The following TMEM41A variants were observed in gnomAD, a reference collection of about 807,000 sequenced individuals.
The protein encoded by TMEM41A is transmembrane protein 41A.
A neutral mutation model predicts 25.7 loss-of-function variants in TMEM41A; 20 were observed. The observed-to-expected ratio is 0.78, with a 90% CI of 0.55 to 1.13. The LOEUF (loss-of-function observed/expected upper bound fraction) is 1.13. TMEM41A is among the 50% of genes most tolerant of loss of function. The pLI is 0.00. For synonymous variants in TMEM41A, 133 were observed against 139.6 expected (o/e 0.95, Z 0.33); for missense variants, 299 against 314.3 (o/e 0.95, Z 0.37).
chr3:185,497,051 G>A, intron 1 of TMEM41A, 70 bp from the exon 2 acceptor site: 2 of 1,513,774 alleles, frequency 1.3e-6, no homozygotes, highest in African/African-American at 1.4e-5. Flanking sequence ...GTCACTCGCT[G>A]TGTCTTCTTT....
At chr3:185,496,582 C>G in intron 2 of TMEM41A, 1 of 556,526 alleles carries the variant, frequency 1.8e-6, no homozygotes, top group Non-Finnish European at 3.2e-6. Flanking sequence ...TTGAGCAGGT[C>G]CAGCCTCAGC....
Position 185,495,137 on chromosome 3 carries a change from G to A in TMEM41A, c.435+17C>T. On this transcript the variant is annotated intron_variant, in intron 3 of 4. Transcript: ENST00000421852. ...CTGTCTGGGGTCCCAGCTCTCAGAT[G>A]TGACCCCTCCCCTTACCTTTCTCTG... 6.2e-7 allele frequency: 1 copy of A among 1,612,736 alleles called. No individual in the cohort carries two copies. Among genetic ancestry groups the A allele is most frequent in the Non-Finnish European group, 8.5e-7 (1 of 1,179,830 alleles).
At chr3:185,494,484 T>C (rs1285376475) in intron 4 of TMEM41A, 139 bp downstream of exon 4, 1 of 992,252 alleles carries the variant, frequency 1.0e-6, no homozygotes, top group Non-Finnish European at 1.4e-6. Flanking sequence ...GAATCATTTC[T>C]TTAGATCATA....
At chr3:185,495,366 C>CACGT in intron 2 of TMEM41A, 51 bp from the exon 3 acceptor site, 1 of 1,575,508 alleles carries the variant, frequency 6.3e-7, no homozygotes, top group South Asian at 1.2e-5. Context: ...AGCTACCAGG[C>CACGT]ACGTCATCTT....
rs1719049158 is a variant in TMEM41A, at chr3:185,494,680, G to A, written c.517C>T (p.Leu173Phe). 2.5e-6 allele frequency: 4 copies of A among 1,612,556 alleles called. No individual in the cohort carries two copies. The highest frequency in any genetic ancestry group is 3.4e-6 in the Non-Finnish European group (4 of 1,179,488). ...FPMTPNWFLN[L>F]SAPILNIPIV... ...GGAATGTTCAGAATTGGGGCCGAGAGGTTCAAGAACCAGTTTGGTGTCATG... is the reference window on the plus strand; with the variant it reads ...GGAATGTTCAGAATTGGGGCCGAGAAGTTCAAGAACCAGTTTGGTGTCATG... The change falls in exon 4 of 5, where the codon CTC (leucine) becomes TTC (phenylalanine). Residue 173 changes from leucine (L) to phenylalanine (F), a missense_variant. Coordinates refer to ENST00000421852, the MANE Select transcript of TMEM41A (RefSeq NM_080652.4).
rs12107045 is a variant in TMEM41A at position 185,491,688 on chromosome 3, G to A, written c.644C>T (p.Ala215Val). 1,290 of 1,614,220 alleles carry A rather than the reference G, an allele frequency of 8.0e-4. 9 individuals carry two copies. The African/African-American group carries it at 0.015, about 19-fold the overall frequency. ...AAAGACAGTGTCCCAGGAGAAAAGA[G>A]CATCCAGAGAGGTTAGGGTTGACAG... ...SILSTLTSLD[A>V]LFSWDTVFKL... The change falls in exon 5 of 5, where the codon GCT (alanine) becomes GTT (valine). Residue 215 changes from alanine (A) to valine (V), a missense_variant. By Grantham distance (64) the Ala-to-Val change is moderately conservative. Coordinates refer to ENST00000421852, the MANE Select transcript of TMEM41A (RefSeq NM_080652.4).
rs141974676 is a variant in TMEM41A at position 185,491,154 on chromosome 3, C to T, written c.*383G>A. The stretch of plus-strand genomic sequence containing the variant: ...CTGGGATTACAGGTGCCTGCCACCA[C>T]GCCTGGCTAATTTTTGTATTTTTAT... On this transcript the variant is annotated 3_prime_UTR_variant, in exon 5 of 5. Transcript: ENST00000421852. 1,807 of 179,334 alleles carry T rather than the reference C, an allele frequency of 0.01. 19 individuals carry two copies. Among genetic ancestry groups the T allele is most frequent in the South Asian group, 0.028 (219 of 7,802 alleles). The allele number at this position is 179,334 out of a possible 1,614,324, so 11.1% of individuals were successfully genotyped here.
At chr3:185,496,514 C>A (rs964655485) in intron 2 of TMEM41A, 1 of 386,646 alleles carries the variant, frequency 2.6e-6, no homozygotes, top group Non-Finnish European at 5.0e-6. Context: ...CCCCACACAC[C>A]TCCCCTGCCT....
At chr3:185,494,073 A>G (rs1290584463) in intron 4 of TMEM41A, 3 of 152,286 alleles carry the variant, frequency 2.0e-5, no homozygotes, top group African/African-American at 7.2e-5. Flanking sequence ...CCACACTTTG[A>G]GAAACACTGC....
chr3:185,491,731 C>T lies in TMEM41A; in HGVS notation c.601G>A (p.Val201Met), dbSNP rs1313013030. 2 of 1,613,514 alleles carry T rather than the reference C, an allele frequency of 1.2e-6. No individual in the cohort carries two copies. Among genetic ancestry groups the T allele is most frequent in the Non-Finnish European group, 1.7e-6 (2 of 1,179,782 alleles). Reference protein sequence around the residue: ...IGLIPYNFICVQTGSILSTLT... With the variant: ...IGLIPYNFICMQTGSILSTLT... Reference sequence around the variant, plus strand: ...GTTGACAGGATGGACCCTGTCTGCACACAGATGAAATTATATGGGATCAAA... The same window carrying T: ...GTTGACAGGATGGACCCTGTCTGCATACAGATGAAATTATATGGGATCAAA... The change falls in exon 5 of 5, where the codon GTG (valine) becomes ATG (methionine). Residue 201 changes from valine (V) to methionine (M), a missense_variant. Coordinates refer to ENST00000421852, the MANE Select transcript of TMEM41A (RefSeq NM_080652.4).
chr3:185,495,479 C>T lies in TMEM41A; in HGVS notation c.274-164G>A, dbSNP rs111967662. The T allele has an allele frequency of 2.2e-3, 1,519 of 682,468 alleles. 15 individuals are homozygous for T. The African/African-American group carries it at 0.023, about 10-fold the overall frequency. 42.3% of individuals were successfully genotyped at this position (682,468 alleles called of 1,614,324 possible). ...TTTAAGAAACAGGATCTCGCTCTGT[C>T]ACCCAGGCTGGAGTACAGTGACATG... On this transcript the variant is annotated intron_variant, in intron 2 of 4. Coordinates refer to ENST00000421852, the MANE Select transcript of TMEM41A (RefSeq NM_080652.4).
intron 4 of TMEM41A, chr3:185,493,360 G>A (rs1286812505): frequency 1.3e-5 from 2 of 152,166 alleles, no homozygotes; most frequent in Non-Finnish European, 2.9e-5. Flanking sequence ...TCAGTAGACT[G>A]CAAAACTCAG....
chr3:185,494,765 T>C lies in TMEM41A; in HGVS notation c.436-4A>G, dbSNP rs1421308831. Reference sequence around the variant, plus strand: ...AGCTGTTTCTGTTCTCCTCCACCTGTAGCCAAAGAGAAGAAAGCTGTTAAG... The same window carrying C: ...AGCTGTTTCTGTTCTCCTCCACCTGCAGCCAAAGAGAAGAAAGCTGTTAAG... On this transcript the variant is annotated splice_polypyrimidine_tract_variant and splice_region_variant and intron_variant, in intron 3 of 4. Transcript: ENST00000421852. 2 of 1,597,734 alleles carry C rather than the reference T, an allele frequency of 1.3e-6. No homozygotes were observed. The highest frequency in any genetic ancestry group is 2.3e-5 in the South Asian group (2 of 87,488).
intron 4 of TMEM41A, 75 bp from the exon 5 acceptor site, chr3:185,491,832 C>A: frequency 2.6e-6 from 3 of 1,159,682 alleles, no homozygotes; most frequent in East Asian, 2.5e-5. Context: ...AGAATGTCAC[C>A]AGGAACAGTG....
chr3:185,494,958 G>T, intron 3 of TMEM41A, 196 bp downstream of exon 3: 2 of 940,452 alleles, frequency 2.1e-6, no homozygotes, highest in Non-Finnish European at 3.1e-6. Flanking sequence ...CTTGCCCAAA[G>T]TCACAGAGCT....
intron 4 of TMEM41A, 186 bp downstream of exon 4, chr3:185,494,437 G>C: frequency 3.1e-6 from 2 of 635,326 alleles, no homozygotes; most frequent in Non-Finnish European, 5.0e-6. Flanking sequence ...TATTTTTATG[G>C]GTTTTCATGT....
At chr3:185,494,573 C>A in intron 4 of TMEM41A, 50 bp downstream of exon 4, 1 of 1,511,868 alleles carries the variant, frequency 6.6e-7, no homozygotes, top group South Asian at 1.4e-5. Context: ...CAGGGCAGAC[C>A]CCCAGCGTGA....
intron 2 of TMEM41A, 51 bp from the exon 3 acceptor site, chr3:185,495,366 C>T (rs763937426): frequency 6.3e-7 from 1 of 1,575,508 alleles, no homozygotes; most frequent in Non-Finnish European, 8.6e-7. Flanking sequence ...AGCTACCAGG[C>T]ACGTCATCTT....
At position 185,494,742 on chromosome 3, in the gene TMEM41A, C is replaced by T; in HGVS notation, c.455G>A (p.Ser152Asn). ...LQRKVEENRN[S>N]LFFFLLFLRL... is the part of the protein sequence containing the mutation. ...CAAAAACAATAAGAAAAAAAACAAG[C>T]TGTTTCTGTTCTCCTCCACCTGTAG... is the stretch of plus-strand genomic sequence containing the variant. Residue 152 changes from serine to asparagine, a missense_variant, in exon 4 of 5, where the codon AGC becomes AAC. Ser to Asn is a conservative substitution (Grantham distance 46, BLOSUM62 1). Coordinates refer to ENST00000421852, the MANE Select transcript of TMEM41A (RefSeq NM_080652.4). 6.2e-7 allele frequency: 1 copy of T among 1,611,036 alleles called. No homozygotes were observed. Among genetic ancestry groups the T allele is most frequent in the Non-Finnish European group, 8.5e-7 (1 of 1,178,998 alleles).
Sources: gnomAD v4.1 joint callset for allele counts on GRCh38, gnomAD v4.1.1 for gene constraint, MANE v1.5 for transcripts, NCBI Gene and HGNC (gene_info 2026-07-23, HGNC 2026-07-21) for gene names.